ATP2B1: variants seen among roughly 807,000 people sequenced by gnomAD.
ATP2B1 encodes the protein plasma membrane calcium-transporting ATPase 1.
A neutral mutation model predicts 124.2 loss-of-function variants in ATP2B1; 14 were observed. The observed-to-expected ratio is 0.11, with a 90% CI of 0.07 to 0.18. The LOEUF (loss-of-function observed/expected upper bound fraction) is 0.18. Among genes scored for constraint, ATP2B1 ranks in the 10% least tolerant of loss-of-function variants. The pLI, the probability that ATP2B1 is intolerant of heterozygous loss-of-function variation, is 1.00. For missense variants in ATP2B1, 763 were observed against 1,466.1 expected, an observed-to-expected ratio of 0.52 and a Z score of 7.83; for synonymous variants, 449 against 492.4, an observed-to-expected ratio of 0.91 and a Z score of 1.17.
intron 1 of ATP2B1, among the ~76,000 whole-genome samples, chr12:89,658,647 G>GAA (rs1491206152): frequency 1.6e-5 from 2 of 124,028 alleles, no homozygotes; most frequent in Non-Finnish European, 1.8e-5. Flanking sequence ...GAGAGAGAGA[G>GAA]ATAGAGATAG....
intron 1 of ATP2B1, among the ~76,000 whole-genome samples, chr12:89,671,022 A>G (rs1286451694): frequency 6.6e-6 from 1 of 151,816 alleles, no homozygotes; most frequent in African/African-American, 2.4e-5. Context: ...TGCTAGGATC[A>G]TCTGAAAGGA....
At chr12:89,631,879 G>A (rs1440389574) in intron 5 of ATP2B1, among the ~76,000 whole-genome samples, 2 of 149,804 alleles carry the variant, frequency 1.3e-5, no homozygotes, top group African/African-American at 2.5e-5. Flanking sequence ...ATTGTCTCCC[G>A]TCTTAGCCCC....
intron 1 of ATP2B1, among the ~76,000 whole-genome samples, chr12:89,695,840 T>C (rs1304896157): frequency 6.6e-6 from 1 of 152,160 alleles, no homozygotes; most frequent in African/African-American, 2.4e-5. Context: ...TTATATAACA[T>C]AGTTATAAGA....
intron 5 of ATP2B1, among the ~76,000 whole-genome samples, chr12:89,634,214 C>T (rs1437733336): frequency 2.0e-5 from 3 of 152,094 alleles, no homozygotes; most frequent in South Asian, 2.1e-4. Context: ...TCAATTCTGA[C>T]TAGATGGAGG....
intron 1 of ATP2B1, among the ~76,000 whole-genome samples, chr12:89,680,107 G>C (rs1297160618): frequency 6.6e-6 from 1 of 151,902 alleles, no homozygotes; most frequent in Non-Finnish European, 1.5e-5. Context: ...AAACTACCAA[G>C]GAATAAAAGA....
In ATP2B1 at chr12:89,655,752, T is replaced by C. The variant is rs750915154; in HGVS notation, c.135A>G (p.Ala45=). ...CATAGCTTTCCTGTATTTTTCGTAA[T>C]GCATCTGTGGACCTGAGCTCCATGA... The part of the protein sequence containing the change: ...RALMELRSTD[A]LRKIQESYGD... The change falls in exon 2 of 21, where the codon GCA becomes GCG. Residue 45 remains alanine (A), a synonymous_variant. Transcript: ENST00000428670. 4 of 1,614,234 alleles carry C rather than the reference T, an allele frequency of 2.5e-6. No homozygotes were observed. Among genetic ancestry groups the C allele is most frequent in the South Asian group, 1.1e-5 (1 of 91,084 alleles).
At chr12:89,649,920 C>T (rs187597590) in intron 2 of ATP2B1, among the ~76,000 whole-genome samples, 1 of 152,162 alleles carries the variant, frequency 6.6e-6, no homozygotes, top group East Asian at 1.9e-4. Context: ...GGGACCTCCC[C>T]CTTGTTTCTC....
chr12:89,598,182 T>C (rs1875068099), intron 20 of ATP2B1, among the ~76,000 whole-genome samples: 1 of 152,188 alleles, frequency 6.6e-6, no homozygotes, highest in African/African-American at 2.4e-5. Context: ...GCTAAATTTA[T>C]TCTTAGCTTT....
intron 12 of ATP2B1, among the ~76,000 whole-genome samples, chr12:89,613,727 T>G (rs1029311249): frequency 2.6e-5 from 4 of 152,322 alleles, no homozygotes; most frequent in African/African-American, 9.6e-5. Flanking sequence ...GTTAAAACTA[T>G]GTGGCAAATA....
rs531452449 is a variant in ATP2B1 at position 89,656,059 on chromosome 12, C to A, written c.-173G>T. 1.6e-6 allele frequency: 1 copy of A among 621,682 alleles called. No homozygotes were observed. The highest frequency in any genetic ancestry group is 1.8e-5 in the African/African-American group (1 of 54,640). The allele number at this position is 621,682 out of a possible 1,614,324, so 38.5% of individuals were successfully genotyped here. ...AACATTTCCCAGAGAAGTATCTTGA[C>A]CTTTGGCCCATGACTAGTTTCTCCA... is the stretch of plus-strand genomic sequence containing the variant. On this transcript the variant is annotated 5_prime_UTR_variant, in exon 2 of 21. Transcript: ENST00000428670.
intron 20 of ATP2B1, chr12:89,593,997 G>A (rs1874089114): frequency 6.6e-6 from 1 of 151,868 alleles, no homozygotes; most frequent in Admixed American, 6.6e-5. Context: ...AACTTCACTT[G>A]AATAAAACAT....
chr12:89,617,661 A>ATACT (rs2136056601), intron 11 of ATP2B1, among the ~76,000 whole-genome samples: 1 of 152,208 alleles, frequency 6.6e-6, no homozygotes, highest in South Asian at 2.1e-4. Flanking sequence ...ATGCCTCTCT[A>ATACT]TACTCCTCTC....
Position 89,604,218 on chromosome 12 carries a change from C to T in ATP2B1, c.2571G>A (p.Gln857=). 6.2e-7 allele frequency: 1 copy of T among 1,614,042 alleles called. No homozygotes were observed. Among genetic ancestry groups the T allele is most frequent in the East Asian group, 2.2e-5 (1 of 44,842 alleles). ...CTACTACATTAACAGTAAGTTGGAA[C>T]TGAAGGAATTTTGAGATGCTGTCAT... ...NVYDSISKFL[Q]FQLTVNVVAV... Residue 857 remains glutamine (Q), a synonymous_variant, in exon 16 of 21, where the codon CAG becomes CAA. Transcript: ENST00000428670.
At chr12:89,696,190 A>T (rs945940992) in intron 1 of ATP2B1, among the ~76,000 whole-genome samples, 1 of 152,242 alleles carries the variant, frequency 6.6e-6, no homozygotes, top group South Asian at 2.1e-4. Context: ...AGTAAAGCAG[A>T]GACCTGGAAA....
intron 1 of ATP2B1, among the ~76,000 whole-genome samples, chr12:89,701,173 AAC>A (rs1891805454): frequency 6.6e-6 from 1 of 152,180 alleles, no homozygotes; most frequent in African/African-American, 2.4e-5. Flanking sequence ...GTCATGATCT[AAC>A]AGTTTGCTCT....
At chr12:89,686,977 T>C (rs1890034601) in intron 1 of ATP2B1, among the ~76,000 whole-genome samples, 1 of 152,050 alleles carries the variant, frequency 6.6e-6, no homozygotes, top group African/African-American at 2.4e-5. Context: ...GTGGGTTCTG[T>C]ATCCAACCAA....
chr12:89,647,214 C>T (rs1884581530), intron 2 of ATP2B1, among the ~76,000 whole-genome samples: 1 of 152,158 alleles, frequency 6.6e-6, no homozygotes, highest in Non-Finnish European at 1.5e-5. Context: ...AGGCCAAGGT[C>T]ATGCATGGAA....
At chr12:89,599,685 A>T (rs1205216002) in intron 19 of ATP2B1, among the ~76,000 whole-genome samples, 1 of 152,144 alleles carries the variant, frequency 6.6e-6, no homozygotes, top group Non-Finnish European at 1.5e-5. Context: ...TTTACATTTC[A>T]TTAATGCTGT....
At chr12:89,632,273 C>T (rs934042086) in intron 5 of ATP2B1, among the ~76,000 whole-genome samples, 7 of 152,038 alleles carry the variant, frequency 4.6e-5, no homozygotes, top group South Asian at 2.1e-4. Flanking sequence ...TTGCTAAGTA[C>T]GCTCATAAAA....
Sources: allele counts gnomAD v4.1 joint callset (sites outside exome capture counted in the v4.1 genomes callset), GRCh38; gene constraint gnomAD v4.1.1; transcripts MANE v1.5; gene names NCBI Gene and HGNC (gene_info 2026-07-23, HGNC 2026-07-21).